Variants in EYA2 observed in about 807,000 individuals in gnomAD.
EYA2 encodes the protein EYA transcriptional coactivator and phosphatase 2.
In EYA2, 31 loss-of-function variants were observed where a neutral mutation model predicts 69.2. That is an observed-to-expected ratio of 0.45 (90% CI 0.34 to 0.60). EYA2 has a LOEUF of 0.60. EYA2 is among the 20% of genes least tolerant of loss of function. The probability of loss-of-function intolerance (pLI) is 0.02; values close to 1 mark genes in which losing one functional copy is unlikely to be tolerated. For missense variants in EYA2, 622 were observed against 701.2 expected (o/e 0.89, Z 1.28); for synonymous variants, 257 against 279.4 (o/e 0.92, Z 0.80).
At chr20:47,125,307 G>A (rs1040695286) in intron 9 of EYA2, among the ~76,000 whole-genome samples, 4 of 151,752 alleles carry the variant, frequency 2.6e-5, no homozygotes, top group Admixed American at 6.6e-5. Context: ...CGCCCGCCTC[G>A]GCCTCCCAAA....
intron 1 of EYA2, among the ~76,000 whole-genome samples, chr20:46,911,922 G>A (rs1984662524): frequency 6.6e-6 from 1 of 152,134 alleles, no homozygotes; most frequent in African/African-American, 2.4e-5. Context: ...AAAATAGCTG[G>A]AAGAAAAGAT....
chr20:46,981,535 G>A (rs1431433218), intron 1 of EYA2, among the ~76,000 whole-genome samples: 1 of 152,120 alleles, frequency 6.6e-6, no homozygotes, highest in Non-Finnish European at 1.5e-5. Flanking sequence ...ATTGCTATAG[G>A]TATTTTAATT....
chr20:47,031,657 C>T (rs6066172), intron 5 of EYA2, among the ~76,000 whole-genome samples: 2 of 152,058 alleles, frequency 1.3e-5, no homozygotes, highest in African/African-American at 4.8e-5. Context: ...GCTTTGATGA[C>T]GTTGCTTTTG....
chr20:46,997,379 T>C, intron 2 of EYA2, among the ~76,000 whole-genome samples: 1 of 152,200 alleles, frequency 6.6e-6, no homozygotes, highest in Non-Finnish European at 1.5e-5. Flanking sequence ...TCTGAACTCA[T>C]GCCTGGCAAT....
At position 47,018,372 on chromosome 20, in the gene EYA2, G is replaced by A. The variant is rs574531443; in HGVS notation, c.415+2075G>A. Among the ~76,000 whole-genome samples the A allele has an allele frequency of 2.1e-4, 32 of 152,342 alleles. 1 individual carries two copies. Among genetic ancestry groups the A allele is most frequent in the African/African-American group, 7.5e-4 (31 of 41,566 alleles). On this transcript the variant is annotated intron_variant, in intron 5 of 15. Transcript: ENST00000327619. ...CCTGGCACCCTTCTAGGCACTGAGG[G>A]CACAGCAGCACACAAAGACAATCTC...
chr20:46,911,498 G>A (rs1284468948), intron 1 of EYA2, among the ~76,000 whole-genome samples: 3 of 152,142 alleles, frequency 2.0e-5, no homozygotes, highest in Admixed American at 1.3e-4. Flanking sequence ...AACCATTGAG[G>A]CTGTTTATGA....
chr20:46,944,110 T>C (rs1278295896), intron 1 of EYA2, among the ~76,000 whole-genome samples: 1 of 152,146 alleles, frequency 6.6e-6, no homozygotes, highest in Non-Finnish European at 1.5e-5. Context: ...TCCCCCTGGA[T>C]GGCTCTGGGG....
chr20:46,931,924 C>T (rs1004413989), intron 1 of EYA2, among the ~76,000 whole-genome samples: 2 of 150,884 alleles, frequency 1.3e-5, no homozygotes, highest in Admixed American at 6.7e-5. Flanking sequence ...GAGATTAATT[C>T]GTGTGGCCAC....
At chr20:47,119,524 A>G (rs1173149672) in intron 9 of EYA2, among the ~76,000 whole-genome samples, 1 of 152,240 alleles carries the variant, frequency 6.6e-6, no homozygotes, top group Non-Finnish European at 1.5e-5. Context: ...GATACATGCT[A>G]CAACACACTT....
intron 5 of EYA2, among the ~76,000 whole-genome samples, chr20:47,039,369 G>T (rs1435594057): frequency 6.6e-6 from 1 of 152,134 alleles, no homozygotes. Context: ...AGTTTTATTG[G>T]CACACGGCCA....
At chr20:47,118,040 A>G (rs1227304143) in intron 9 of EYA2, among the ~76,000 whole-genome samples, 1 of 152,246 alleles carries the variant, frequency 6.6e-6, no homozygotes, top group Admixed American at 6.5e-5. Flanking sequence ...GTAGCTCTGA[A>G]ACGGAGAGGA....
chr20:47,099,819 A>G (rs1369287124), intron 9 of EYA2, among the ~76,000 whole-genome samples: 5 of 1,376 alleles, frequency 3.6e-3, no homozygotes, highest in Non-Finnish European at 0.015. Context: ...TGTCATAATT[A>G]TGTTTATTTT....
intron 9 of EYA2, among the ~76,000 whole-genome samples, chr20:47,097,765 A>G (rs144399574): frequency 6.6e-6 from 1 of 152,328 alleles, no homozygotes; most frequent in East Asian, 1.9e-4. Flanking sequence ...AATGAACTCA[A>G]CTGCTAAAAC....
chr20:47,179,978 T>G, intron 13 of EYA2, 66 bp downstream of exon 13: 1 of 1,103,276 alleles, frequency 9.1e-7, no homozygotes, highest in Non-Finnish European at 1.4e-6. Context: ...TGGTGGCTCC[T>G]GCATGTCCAC....
intron 7 of EYA2, among the ~76,000 whole-genome samples, chr20:47,082,823 A>G (rs1465282518): frequency 6.6e-6 from 1 of 152,244 alleles, no homozygotes; most frequent in Admixed American, 6.5e-5. Context: ...TTTAAAATCC[A>G]TTTTAAAGCC....
At chr20:47,014,296 T>C (rs1983267415) in intron 4 of EYA2, among the ~76,000 whole-genome samples, 1 of 152,170 alleles carries the variant, frequency 6.6e-6, no homozygotes, top group African/African-American at 2.4e-5. Context: ...AAGCATTCTC[T>C]TATTTTACGG....
chr20:47,042,968 A>G (rs1985161436), intron 5 of EYA2, among the ~76,000 whole-genome samples: 1 of 152,196 alleles, frequency 6.6e-6, no homozygotes, highest in Admixed American at 6.5e-5. Flanking sequence ...TTGCCGCTCC[A>G]GTTGGATTTT....
intron 5 of EYA2, among the ~76,000 whole-genome samples, chr20:47,055,344 G>A (rs935277477): frequency 2.0e-5 from 3 of 152,218 alleles, no homozygotes; most frequent in African/African-American, 4.8e-5. Context: ...GGAAGAATAG[G>A]TATTTGGTCT....
At chr20:47,069,542 T>C (rs990946143) in intron 5 of EYA2, among the ~76,000 whole-genome samples, 1 of 152,142 alleles carries the variant, frequency 6.6e-6, no homozygotes, top group Non-Finnish European at 1.5e-5. Flanking sequence ...GGAATTGGTA[T>C]AGGATAGATA....
Sources: gnomAD v4.1 joint callset for allele counts (sites outside exome capture counted in the v4.1 genomes callset) on GRCh38, gnomAD v4.1.1 for gene constraint, MANE v1.5 for transcripts, NCBI Gene and HGNC (gene_info 2026-07-23, HGNC 2026-07-21) for gene names.